IAH1: variants seen among roughly 807,000 people sequenced by gnomAD.
IAH1 encodes isoamyl acetate hydrolyzing esterase 1 (putative).
IAH1 carries 24 observed loss-of-function variants against 26.7 expected under a neutral mutation model. The observed-to-expected ratio is 0.90, with a 90% CI of 0.65 to 1.26. The LOEUF is 1.26. Among genes scored for constraint, IAH1 ranks in the 50% most tolerant of loss-of-function variants. The pLI, the probability that IAH1 is intolerant of heterozygous loss-of-function variation, is 0.00. For synonymous variants in IAH1, 140 were observed against 118.5 expected (o/e 1.18, Z -1.18); for missense variants, 300 against 299.9 (o/e 1.00, Z 0.00).
At chr2:9,491,224 T>C (rs1662117061), downstream of IAH1, 1 of 1,363,408 alleles carries the variant, frequency 7.3e-7, no homozygotes, top group Admixed American at 1.8e-5. Context: ...CATCACAGGC[T>C]ATTCCTAACA....
chr2:9,491,098 T>C, downstream of IAH1: 1 of 1,612,548 alleles, frequency 6.2e-7, no homozygotes, highest in Non-Finnish European at 8.5e-7. Context: ...ATGGTATACT[T>C]ACACTGGGGT....
chr2:9,485,250 A>T (rs761931655), intron 5 of IAH1: 1 of 152,316 alleles, frequency 6.6e-6, no homozygotes, highest in Non-Finnish European at 1.5e-5. Context: ...AAGAGGAGGA[A>T]CTGACAAGCG....
chr2:9,490,447 A>C (rs374390369), downstream of IAH1: 117 of 1,614,006 alleles, frequency 7.2e-5, no homozygotes, highest in Non-Finnish European at 9.7e-5. Flanking sequence ...GGCGGCCTGG[A>C]GTCTGGGGCG....
chr2:9,492,827 C>T, downstream of IAH1: 1 of 1,339,356 alleles, frequency 7.5e-7, no homozygotes, highest in Non-Finnish European at 1.0e-6. Context: ...TTACCTTTTC[C>T]AGAGATTACA....
At chr2:9,500,638 G>C (rs368864571), downstream of IAH1, among the ~76,000 whole-genome samples, 1 of 152,112 alleles carries the variant, frequency 6.6e-6, no homozygotes, top group East Asian at 1.9e-4. Context: ...GAATGGGACA[G>C]ATAGATATAT....
exon 6 of IAH1, chr2:9,489,725 C>CAAAAAA (rs548548539): frequency 2.6e-5 from 2 of 78,324 alleles, no homozygotes; most frequent in Admixed American, 1.8e-4. Context: ...TAGTTGAAGG[C>CAAAAAA]AAAAAAAAAA....
At chr2:9,492,092 CAGGAA>C (rs1451938933), downstream of IAH1, among the ~76,000 whole-genome samples, 3 of 152,122 alleles carry the variant, frequency 2.0e-5, no homozygotes, top group African/African-American at 4.8e-5. Flanking sequence ...GAGAAGCCAG[CAGGAA>C]AGGAAAGGAA....
chr2:9,487,626 A>G (rs900522757), intron 5 of IAH1: 11 of 152,514 alleles, frequency 7.2e-5, no homozygotes, highest in African/African-American at 2.7e-4. Context: ...TGTGTGTTCA[A>G]ACACCTACGT....
At position 9,484,352 on chromosome 2, in the gene IAH1, C is replaced by T. The variant is rs1475971268; in HGVS notation, c.446-80C>T. 5.0e-5 allele frequency: 55 copies of T among 1,090,662 alleles called. No homozygotes were observed. In the East Asian group the frequency reaches 1.1e-3, roughly 22 times the overall value. 67.6% of individuals were successfully genotyped at this position (1,090,662 alleles called of 1,614,324 possible). A position where few individuals can be genotyped will look rare whatever the true frequency, so the allele number is the denominator to read the frequency against. ...ATATTTAATGGCATTTTGAAACTGT[C>T]TAGATGAGTGGAGCAGAACTTACAC... On this transcript the variant is annotated intron_variant, in intron 4 of 5. Coordinates refer to ENST00000497473, the MANE Select transcript of IAH1 (RefSeq NM_001039613.3).
chr2:9,490,064 C>T, downstream of IAH1: 2 of 1,006,950 alleles, frequency 2.0e-6, no homozygotes, highest in African/African-American at 1.6e-5. Flanking sequence ...AACACATGAC[C>T]AGCATCTGCT....
chr2:9,487,838 G>GCA (rs1661677215), intron 5 of IAH1, among the ~76,000 whole-genome samples: 13 of 62,060 alleles, frequency 2.1e-4, no homozygotes, highest in Admixed American at 1.1e-3. Flanking sequence ...GTGTGTGCGC[G>GCA]CGCGCGCGCG....
chr2:9,476,184 C>T (rs916548850), intron 2 of IAH1, 145 bp downstream of exon 2: 9 of 672,622 alleles, frequency 1.3e-5, no homozygotes, highest in Admixed American at 5.3e-5. Context: ...GGAGAAGGAA[C>T]AGAAAACATT....
At chr2:9,487,516 A>G (rs1661586037) in intron 5 of IAH1, 1 of 152,214 alleles carries the variant, frequency 6.6e-6, no homozygotes, top group Admixed American at 6.5e-5. Context: ...ATGATTCAGA[A>G]GACCTGGAAT....
At chr2:9,494,477 C>T (rs1662403687), downstream of IAH1, among the ~76,000 whole-genome samples, 1 of 152,194 alleles carries the variant, frequency 6.6e-6, no homozygotes, top group Admixed American at 6.5e-5. Flanking sequence ...CCTGAAAGCA[C>T]TCCGTCTTCT....
intron 1 of IAH1, 185 bp from the exon 2 acceptor site, chr2:9,475,802 A>G: frequency 1.6e-5 from 10 of 616,480 alleles, no homozygotes; most frequent in Non-Finnish European, 2.9e-5. Flanking sequence ...TGATAGAGAA[A>G]AATCCCCCTC....
chr2:9,502,261 A>C, the IAH1 span: 1 of 1,613,812 alleles, frequency 6.2e-7, no homozygotes, highest in African/African-American at 1.3e-5. Context: ...TTTTACAGCA[A>C]GGACTGTTCC....
chr2:9,511,507 A>G, the IAH1 span, among the ~76,000 whole-genome samples: 3 of 152,204 alleles, frequency 2.0e-5, no homozygotes, highest in Non-Finnish European at 2.9e-5. Context: ...TATTTTCTCA[A>G]TGACTGAATT....
chr2:9,482,036 T>TTTTTC (rs1473534266), intron 4 of IAH1, among the ~76,000 whole-genome samples: 1 of 150,320 alleles, frequency 6.7e-6, no homozygotes, highest in Non-Finnish European at 1.5e-5. Flanking sequence ...AGTTCTCTTT[T>TTTTTC]TTTTTTTTTT....
At chr2:9,484,610 G>A in intron 5 of IAH1, 60 bp downstream of exon 5, 1 of 1,151,562 alleles carries the variant, frequency 8.7e-7, no homozygotes, top group Non-Finnish European at 1.3e-6. Context: ...TAAACCAGGT[G>A]TGTGTGCAGC....
Sources: gnomAD v4.1 joint callset for allele counts (sites outside exome capture counted in the v4.1 genomes callset) on GRCh38, gnomAD v4.1.1 for gene constraint, MANE v1.5 for transcripts, NCBI Gene and HGNC (gene_info 2026-07-23, HGNC 2026-07-21) for gene names.